EYS: variants seen among roughly 807,000 people sequenced by gnomAD.
EYS encodes the protein EGF-like photoreceptor maintenance factor, also known as protein eyes shut homolog.
In EYS, 250 loss-of-function variants were observed where a neutral mutation model predicts 282.1. That is an observed-to-expected ratio of 0.89 (90% confidence interval 0.80 to 0.98). The LOEUF (loss-of-function observed/expected upper bound fraction) is 0.98, where lower values mean the gene tolerates loss of function less well. Among genes scored for constraint, EYS ranks in the 50% least tolerant of loss-of-function variants. The pLI is 0.00. For missense variants in EYS, 4,016 were observed against 3,709.0 expected (o/e 1.08, Z -2.15); for synonymous variants, 1,355 against 1,282.9 (o/e 1.06, Z -1.20).
rs557855298 is a variant in EYS, at chr6:64,800,272, C to T, written c.3443+13106G>A. ...CATCATGAGCAATTATTTTTATTTC[C>T]TTACTGCCCAATGTCTTTGATGAAA... On this transcript the variant is annotated intron_variant, in intron 22 of 42. Coordinates refer to ENST00000503581, the MANE Select transcript of EYS (RefSeq NM_001142800.2). 3.9e-4 allele frequency among the ~76,000 whole-genome samples: 59 copies of T among 152,030 alleles called. 1 individual carries two copies. The South Asian group carries it at 8.7e-3, about 22-fold the overall frequency.
chr6:64,883,457 T>C lies in EYS; in HGVS notation c.2992+3240A>G, dbSNP rs190738442. ...TTTCTAGTAGATATATAAATATTAA[T>C]ATAGATATAAACACAAATGTAGACA... On this transcript the variant is annotated intron_variant, in intron 19 of 42. Transcript: ENST00000503581. Among the ~76,000 whole-genome samples the C allele has an allele frequency of 2.4e-3, 359 of 151,406 alleles. 1 individual carries two copies. The highest frequency in any genetic ancestry group is 4.3e-3 in the Non-Finnish European group (291 of 67,486).
intron 35 of EYS, among the ~76,000 whole-genome samples, chr6:63,904,865 TAGAA>T (rs1201206181): frequency 2.6e-5 from 4 of 152,234 alleles, no homozygotes; most frequent in African/African-American, 9.6e-5. Flanking sequence ...CCAGACAAAT[TAGAA>T]AGGCCTCTTT....
rs570975186 is a variant in EYS, at chr6:64,982,910, G to T, written c.2259+14672C>A. Among the ~76,000 whole-genome samples, 227 of 151,178 alleles carry T rather than the reference G, an allele frequency of 1.5e-3. 2 individuals carry two copies. The highest frequency in any genetic ancestry group is 0.015 in the South Asian group (71 of 4,826). ...ATTTGTACAGAATCGTTACCCTTCAGCTGTCCAGTAACAACATTTAAATCT... is the reference window on the plus strand; with the variant it reads ...ATTTGTACAGAATCGTTACCCTTCATCTGTCCAGTAACAACATTTAAATCT... On this transcript the variant is annotated intron_variant, in intron 14 of 42. Transcript: ENST00000503581.
chr6:65,404,717 A>G (rs1766652984), intron 6 of EYS, among the ~76,000 whole-genome samples: 1 of 152,016 alleles, frequency 6.6e-6, no homozygotes, highest in South Asian at 2.1e-4. Flanking sequence ...GGGAAAAAAA[A>G]TTCCTTTTCA....
chr6:63,789,325 T>C, intron 37 of EYS, 101 bp from the exon 38 acceptor site: 1 of 1,126,148 alleles, frequency 8.9e-7, no homozygotes, highest in Non-Finnish European at 1.3e-6. Flanking sequence ...ATCAGTATGG[T>C]AAGTTATAAT....
At chr6:64,534,563 T>C (rs1470375181) in intron 26 of EYS, among the ~76,000 whole-genome samples, 2 of 152,180 alleles carry the variant, frequency 1.3e-5, no homozygotes, top group African/African-American at 4.8e-5. Flanking sequence ...TCATTCTGCT[T>C]CTCTGATGAT....
chr6:64,582,749 T>C (rs1355049785), intron 26 of EYS, among the ~76,000 whole-genome samples: 1 of 152,162 alleles, frequency 6.6e-6, no homozygotes, highest in Admixed American at 6.6e-5. Flanking sequence ...CTATAGAATG[T>C]CAATAACACT....
chr6:63,898,869 C>T (rs144769709), intron 35 of EYS, among the ~76,000 whole-genome samples: 1,548 of 152,156 alleles, frequency 0.01, 23 homozygotes, highest in African/African-American at 0.036. Context: ...ATAGACTAGT[C>T]AGATTAAGAA....
chr6:64,608,931 G>C (rs368585039), intron 24 of EYS, among the ~76,000 whole-genome samples: 1 of 152,148 alleles, frequency 6.6e-6, no homozygotes, highest in Non-Finnish European at 1.5e-5. Context: ...GGATCACAGA[G>C]GATTTTTAGG....
intron 36 of EYS, 139 bp downstream of exon 36, chr6:63,864,047 T>C (rs907243668): frequency 1.3e-6 from 1 of 786,466 alleles, no homozygotes; most frequent in Non-Finnish European, 1.8e-6. Context: ...GGGTCTTGTC[T>C]CAACTAACTT....
chr6:63,816,871 A>T (rs1562040523), intron 36 of EYS, among the ~76,000 whole-genome samples: 1 of 152,210 alleles, frequency 6.6e-6, no homozygotes, highest in African/African-American at 2.4e-5. Context: ...TTATACTTGC[A>T]TTTTCAAATA....
intron 12 of EYS, among the ~76,000 whole-genome samples, chr6:65,095,507 C>T (rs1366660718): frequency 2.7e-5 from 4 of 150,516 alleles, no homozygotes; most frequent in African/African-American, 9.7e-5. Flanking sequence ...GCCATTCTAC[C>T]ATTATATATA....
intron 26 of EYS, among the ~76,000 whole-genome samples, chr6:64,539,210 C>T (rs928279963): frequency 2.6e-5 from 4 of 152,104 alleles, no homozygotes; most frequent in Non-Finnish European, 5.9e-5. Flanking sequence ...CACTACAGAA[C>T]TTCACACTTA....
intron 33 of EYS, among the ~76,000 whole-genome samples, chr6:64,017,314 C>T (rs1235042197): frequency 1.3e-5 from 2 of 152,014 alleles, no homozygotes; most frequent in Admixed American, 1.3e-4. Context: ...TTGGGAACAT[C>T]TGTGATCTAC....
At chr6:64,629,261 G>A (rs547374735) in intron 22 of EYS, among the ~76,000 whole-genome samples, 1 of 152,200 alleles carries the variant, frequency 6.6e-6, no homozygotes, top group South Asian at 2.1e-4. Flanking sequence ...TCATAGAAAA[G>A]GCTCTCATCA....
At chr6:65,086,235 G>C (rs1774368601) in intron 12 of EYS, among the ~76,000 whole-genome samples, 1 of 151,866 alleles carries the variant, frequency 6.6e-6, no homozygotes, top group Non-Finnish European at 1.5e-5. Flanking sequence ...AGAATTGCTG[G>C]AACCCATGAG....
At chr6:65,093,441 T>A (rs1027700560) in intron 12 of EYS, among the ~76,000 whole-genome samples, 1 of 151,924 alleles carries the variant, frequency 6.6e-6, no homozygotes, top group African/African-American at 2.4e-5. Flanking sequence ...GTACTAAGCA[T>A]AACCACAAAA....
intron 30 of EYS, among the ~76,000 whole-genome samples, chr6:64,275,923 C>T (rs2150359598): frequency 6.6e-6 from 1 of 151,798 alleles, no homozygotes; most frequent in South Asian, 2.1e-4. Context: ...TGAGATCGCA[C>T]CTTTGCACTT....
rs138746114 is a variant in EYS at position 64,565,401 on chromosome 6, G to A, written c.5644+24822C>T. On this transcript the variant is annotated intron_variant, in intron 26 of 42. Coordinates refer to ENST00000503581, the MANE Select transcript of EYS (RefSeq NM_001142800.2). ...TGGTAATATCAATTTATAGATGAAT[G>A]AAGAAAATGTGGTACATAATGGAAT... 4.5e-4 allele frequency among the ~76,000 whole-genome samples: 69 copies of A among 152,222 alleles called. 1 individual carries two copies. The East Asian group carries it at 0.013, about 29-fold the overall frequency.
Sources: gnomAD v4.1 joint callset for allele counts (sites outside exome capture counted in the v4.1 genomes callset) on GRCh38, gnomAD v4.1.1 for gene constraint, MANE v1.5 for transcripts, NCBI Gene and HGNC (gene_info 2026-07-23, HGNC 2026-07-21) for gene names.